Variants in CSMD1 observed in about 807,000 individuals in gnomAD.
CSMD1 encodes CUB and sushi domain-containing protein 1.
CSMD1 carries 213 observed loss-of-function variants against 417.5 expected under a neutral mutation model. That is an observed-to-expected ratio of 0.51 (90% CI 0.46 to 0.57). The LOEUF (loss-of-function observed/expected upper bound fraction) is 0.57. CSMD1 is among the 20% of genes least tolerant of loss of function. The probability of loss-of-function intolerance (pLI) is 0.00; values close to 1 mark genes in which losing one functional copy is unlikely to be tolerated. For missense variants in CSMD1, 6,923 were observed against 4,529.7 expected, an observed-to-expected ratio of 1.53 and a Z score of -15.17; for synonymous variants, 2,862 against 1,736.8, an observed-to-expected ratio of 1.65 and a Z score of -16.11.
At chr8:3,228,902 T>C (rs944047923) in intron 27 of CSMD1, among the ~76,000 whole-genome samples, 6 of 152,074 alleles carry the variant, frequency 3.9e-5, no homozygotes, top group African/African-American at 1.4e-4. Flanking sequence ...AGTCTCCCGG[T>C]GACTCAGCTT....
chr8:4,256,340 G>C (rs1374863819), intron 3 of CSMD1, among the ~76,000 whole-genome samples: 2 of 152,148 alleles, frequency 1.3e-5, no homozygotes, highest in Non-Finnish European at 2.9e-5. Context: ...TGAATTTCTA[G>C]CTCCTACTTT....
chr8:4,712,626 A>G (rs1352647298), intron 1 of CSMD1, among the ~76,000 whole-genome samples: 2 of 152,208 alleles, frequency 1.3e-5, no homozygotes, highest in South Asian at 2.1e-4. Context: ...TTTATTTTTG[A>G]TGAGATTTGC....
chr8:4,513,159 G>C (rs78020828), intron 2 of CSMD1, among the ~76,000 whole-genome samples: 1 of 152,072 alleles, frequency 6.6e-6, no homozygotes, highest in Non-Finnish European at 1.5e-5. Context: ...TTGGTTAATC[G>C]AAATATGTCA....
At chr8:3,372,211 C>T (rs562264323) in intron 18 of CSMD1, among the ~76,000 whole-genome samples, 1 of 152,224 alleles carries the variant, frequency 6.6e-6, no homozygotes, top group Admixed American at 6.5e-5. Context: ...ACAAAGGAAA[C>T]AGTGAATACC....
intron 21 of CSMD1, among the ~76,000 whole-genome samples, chr8:3,354,903 C>A (rs574878348): frequency 2.0e-4 from 28 of 142,872 alleles, no homozygotes; most frequent in African/African-American, 7.2e-4. Flanking sequence ...ATCTATAGAT[C>A]TATCTATAGA....
At chr8:4,965,582 A>C (rs1175846567) in intron 1 of CSMD1, among the ~76,000 whole-genome samples, 1 of 152,210 alleles carries the variant, frequency 6.6e-6, no homozygotes. Context: ...TTACTTCTTT[A>C]TAAATGAAAG....
rs549511274 is a variant in CSMD1 at position 3,273,225 on chromosome 8, G to A, written c.4153+10919C>T. Among the ~76,000 whole-genome samples the A allele has an allele frequency of 2.6e-5, 4 of 151,104 alleles. No individual in the cohort carries two copies. The East Asian group carries it at 7.8e-4, about 29-fold the overall frequency. On this transcript the variant is annotated intron_variant, in intron 26 of 69. Coordinates refer to ENST00000635120, the MANE Select transcript of CSMD1 (RefSeq NM_033225.6). ...TTGTCTTTGGTTCTGTTTATATGCT[G>A]GATTACATTTATAGATTTGCGTATA...
intron 1 of CSMD1, among the ~76,000 whole-genome samples, chr8:4,921,639 C>G (rs1323730477): frequency 2.0e-5 from 3 of 152,124 alleles, no homozygotes; most frequent in Non-Finnish European, 4.4e-5. Flanking sequence ...GGATAACCAA[C>G]AAGTGTGAAT....
chr8:4,956,917 A>G (rs1215904547), intron 1 of CSMD1, among the ~76,000 whole-genome samples: 2 of 152,126 alleles, frequency 1.3e-5, no homozygotes, highest in Non-Finnish European at 2.9e-5. Context: ...ATTTTTGTCC[A>G]CATTCAATTG....
intron 3 of CSMD1, among the ~76,000 whole-genome samples, chr8:4,369,172 T>G (rs373141929): frequency 6.6e-6 from 1 of 152,108 alleles, no homozygotes; most frequent in Admixed American, 6.5e-5. Context: ...TTTCAAAAAC[T>G]TTTTTTGATT....
At chr8:4,603,001 A>AT (rs752840705) in intron 2 of CSMD1, among the ~76,000 whole-genome samples, 2 of 152,020 alleles carry the variant, frequency 1.3e-5, no homozygotes, top group Non-Finnish European at 2.9e-5. Flanking sequence ...AGACTGAACT[A>AT]TTTTTAATAA....
intron 54 of CSMD1, among the ~76,000 whole-genome samples, chr8:2,983,574 C>T (rs904354383): frequency 4.6e-5 from 7 of 152,164 alleles, no homozygotes; most frequent in African/African-American, 1.4e-4. Context: ...CTTGAAGGCT[C>T]TGAGATGATT....
intron 3 of CSMD1, among the ~76,000 whole-genome samples, chr8:4,362,725 T>C (rs968993235): frequency 3.3e-5 from 5 of 152,230 alleles, no homozygotes; most frequent in Admixed American, 1.3e-4. Context: ...GGACTTTCTT[T>C]ACATTGTTGT....
At chr8:3,814,982 T>A (rs553675199) in intron 5 of CSMD1, among the ~76,000 whole-genome samples, 8 of 152,310 alleles carry the variant, frequency 5.3e-5, no homozygotes, top group South Asian at 2.1e-4. Flanking sequence ...ATCATCTGCA[T>A]AATAATTACT....
At chr8:4,153,895 G>C (rs765506280) in intron 3 of CSMD1, among the ~76,000 whole-genome samples, 2 of 152,216 alleles carry the variant, frequency 1.3e-5, no homozygotes, top group Non-Finnish European at 2.9e-5. Context: ...TAACATCTCA[G>C]ATTCCATCAT....
intron 26 of CSMD1, among the ~76,000 whole-genome samples, chr8:3,243,305 G>C (rs1256674583): frequency 6.6e-6 from 1 of 152,148 alleles, no homozygotes; most frequent in Non-Finnish European, 1.5e-5. Context: ...CCCGATCCGA[G>C]TCACAGCACC....
At chr8:3,354,026 G>A (rs1808581129) in intron 21 of CSMD1, among the ~76,000 whole-genome samples, 1 of 151,862 alleles carries the variant, frequency 6.6e-6, no homozygotes, top group African/African-American at 2.4e-5. Context: ...AGACGTGGAG[G>A]CTAGGAAGCC....
chr8:4,960,957 A>G (rs1227078048), intron 1 of CSMD1, among the ~76,000 whole-genome samples: 1 of 152,138 alleles, frequency 6.6e-6, no homozygotes, highest in Non-Finnish European at 1.5e-5. Flanking sequence ...TTTTTAAACA[A>G]TGCACTTAGC....
intron 3 of CSMD1, among the ~76,000 whole-genome samples, chr8:4,411,175 G>A (rs1416222576): frequency 6.6e-6 from 1 of 151,970 alleles, no homozygotes; most frequent in South Asian, 2.1e-4. Flanking sequence ...CCCAGTCTCA[G>A]GTAACACAGC....
Sources: gnomAD v4.1 joint callset for allele counts (sites outside exome capture counted in the v4.1 genomes callset) on GRCh38, gnomAD v4.1.1 for gene constraint, MANE v1.5 for transcripts, NCBI Gene and HGNC (gene_info 2026-07-23, HGNC 2026-07-21) for gene names.